TBKBP1: variants seen among roughly 807,000 people sequenced by gnomAD.
TBKBP1 encodes the protein TANK-binding kinase 1-binding protein 1.
Under a neutral mutation model 69.9 loss-of-function variants are expected in TBKBP1, and 47 were observed. That is an observed-to-expected ratio of 0.67 (90% CI 0.53 to 0.86). The LOEUF (loss-of-function observed/expected upper bound fraction) is 0.86. Among genes scored for constraint, TBKBP1 ranks in the 40% least tolerant of loss-of-function variants. The pLI is 0.00. For missense variants in TBKBP1, 831 were observed against 858.6 expected, an observed-to-expected ratio of 0.97 and a Z score of 0.40; for synonymous variants, 418 against 390.3, an observed-to-expected ratio of 1.07 and a Z score of -0.84.
At chr17:47,703,063 G>A (rs1266513370) in intron 7 of TBKBP1, among the ~76,000 whole-genome samples, 1 of 152,128 alleles carries the variant, frequency 6.6e-6, no homozygotes, top group Admixed American at 6.5e-5. Context: ...GCCCGGTAAG[G>A]GAGGGTGGGC....
intron 7 of TBKBP1, 97 bp downstream of exon 7, chr17:47,699,794 G>C: frequency 7.2e-7 from 1 of 1,382,956 alleles, no homozygotes; most frequent in Non-Finnish European, 1.0e-6. Flanking sequence ...GTTGCTCTGT[G>C]TGCATCCTTC....
chr17:47,704,752 C>T (rs2031639692), intron 7 of TBKBP1, among the ~76,000 whole-genome samples: 2 of 152,196 alleles, frequency 1.3e-5, no homozygotes, highest in African/African-American at 4.8e-5. Flanking sequence ...CTAGTCTGAC[C>T]CTGGCTCCTT....
In TBKBP1 at chr17:47,711,849, C is replaced by T. The variant is rs569810042; in HGVS notation, c.*1223C>T. ...CATGTCCCGCTCTTATCCAACTCTT[C>T]CAGGCCCCACCTCCCTGCACCCCTC... On this transcript the variant is annotated 3_prime_UTR_variant, in exon 10 of 10. Coordinates refer to ENST00000578982, the MANE Select transcript of TBKBP1 (RefSeq NM_001394755.1). 6.6e-6 allele frequency: 1 copy of T among 152,624 alleles called. No individual in the cohort carries two copies. Among genetic ancestry groups the T allele is most frequent in the South Asian group, 2.1e-4 (1 of 4,820 alleles). The allele number at this position is 152,624 out of a possible 1,614,324, so 9.5% of individuals were successfully genotyped here. A position where few individuals can be genotyped will look rare whatever the true frequency, so the allele number is the denominator to read the frequency against.
intron 2 of TBKBP1, 149 bp from the exon 3 acceptor site, chr17:47,696,562 C>T (rs1436719644): frequency 2.3e-6 from 3 of 1,324,626 alleles, no homozygotes; most frequent in African/African-American, 1.5e-5. Context: ...TGGGAGATGG[C>T]TACAGACCCA....
chr17:47,699,854 C>T (rs534464878), intron 7 of TBKBP1, among the ~76,000 whole-genome samples, 157 bp downstream of exon 7: 6 of 149,092 alleles, frequency 4.0e-5, no homozygotes, highest in Admixed American at 4.0e-4. Context: ...TGGAGTTTCG[C>T]TCTTGTTGCC....
chr17:47,698,860 C>A, intron 5 of TBKBP1, 85 bp downstream of exon 5: 1 of 1,240,510 alleles, frequency 8.1e-7, no homozygotes, highest in Non-Finnish European at 1.1e-6. Flanking sequence ...ACTTACCATC[C>A]CATTTGTAAT....
intron 7 of TBKBP1, among the ~76,000 whole-genome samples, chr17:47,702,595 A>G (rs1048124174): frequency 6.6e-6 from 1 of 151,812 alleles, no homozygotes; most frequent in Non-Finnish European, 1.5e-5. Context: ...CTGGCCCACA[A>G]GTTCTGGCCA....
intron 7 of TBKBP1, among the ~76,000 whole-genome samples, chr17:47,703,196 G>A (rs2031576164): frequency 1.3e-5 from 2 of 151,864 alleles, no homozygotes; most frequent in Middle Eastern, 3.4e-3. Flanking sequence ...GCCCTTTTCC[G>A]CACCACCTCC....
In TBKBP1 at chr17:47,710,581, C is replaced by G. The variant is rs780709572; in HGVS notation, c.1803C>G (p.Ala601=). The G allele has an allele frequency of 1.6e-5, 25 of 1,612,284 alleles. No individual in the cohort carries two copies. Among genetic ancestry groups the G allele is most frequent in the Non-Finnish European group, 2.1e-5 (25 of 1,178,844 alleles). The change falls in exon 10 of 10, where the codon GCC becomes GCG. Residue 601 remains alanine, a synonymous_variant. Coordinates refer to ENST00000578982, the MANE Select transcript of TBKBP1 (RefSeq NM_001394755.1). The part of the protein sequence containing the change: ...LGFPVGYPDD[A]LIKHIDSHLE... Reference sequence around the variant, plus strand: ...TCCCTGTCGGGTACCCGGATGATGCCCTCATCAAACACATTGACTCCCACC... The same window carrying G: ...TCCCTGTCGGGTACCCGGATGATGCGCTCATCAAACACATTGACTCCCACC...
intron 7 of TBKBP1, among the ~76,000 whole-genome samples, chr17:47,704,622 T>C (rs1430290420): frequency 6.6e-6 from 1 of 152,154 alleles, no homozygotes; most frequent in Non-Finnish European, 1.5e-5. Flanking sequence ...CATGGACAGC[T>C]CTAAACCTAA....
At chr17:47,696,666 G>T (rs771526193) in intron 2 of TBKBP1, 45 bp from the exon 3 acceptor site, 1 of 1,613,394 alleles carries the variant, frequency 6.2e-7, no homozygotes. Flanking sequence ...GGCCTGGGCT[G>T]GGCACCCGGG....
At chr17:47,694,478 GCCCCCGA>G (rs1264666001) in intron 1 of TBKBP1, 1 of 152,118 alleles carries the variant, frequency 6.6e-6, no homozygotes, top group Non-Finnish European at 1.5e-5. Context: ...CGTGGTCTCG[GCCCCCGA>G]GAGGGGAGGG....
At chr17:47,698,818 C>T in intron 5 of TBKBP1, 43 bp downstream of exon 5, 1 of 1,477,502 alleles carries the variant, frequency 6.8e-7, no homozygotes, top group Non-Finnish European at 9.0e-7. Context: ...GTCCCCAACC[C>T]CCATTTCAAC....
In TBKBP1 at chr17:47,708,850, CCCGTGCCCCCGTGCCCCTCGCCG is replaced by C; in HGVS notation, c.1119_1141del (p.Val374AlafsTer83). ...GTCCCCCGTCCCCCAGCGCCGCTCTCCCGTGCCCCCGTGCCCCTCGCCGCAGCAGCGCCGCTCTCCGGCCTCAC... is the reference window on the plus strand; with the variant it reads ...GTCCCCCGTCCCCCAGCGCCGCTCTCCAGCAGCGCCGCTCTCCGGCCTCAC... On this transcript the variant is annotated frameshift_variant, in exon 9 of 10. Coordinates refer to ENST00000578982, the MANE Select transcript of TBKBP1 (RefSeq NM_001394755.1). LOFTEE classifies it high-confidence loss of function. The surrounding 1 kb of genome is among the most constrained non-coding windows in gnomAD (Gnocchi z 4.4). The C allele has an allele frequency of 7.0e-7, 1 of 1,419,430 alleles. No individual in the cohort carries two copies. Among genetic ancestry groups the C allele is most frequent in the Non-Finnish European group, 9.2e-7 (1 of 1,090,326 alleles). 87.9% of individuals were successfully genotyped at this position (1,419,430 alleles called of 1,614,324 possible).
At chr17:47,697,034 C>T (rs1428092272) in intron 3 of TBKBP1, 55 bp from the exon 4 acceptor site, 24 of 1,562,402 alleles carry the variant, frequency 1.5e-5, no homozygotes, top group Middle Eastern at 1.8e-4. Context: ...AGCTCTCCAA[C>T]TCCAAGTCCA....
intron 9 of TBKBP1, among the ~76,000 whole-genome samples, chr17:47,709,842 G>C (rs1204511161): frequency 6.6e-6 from 1 of 152,190 alleles, no homozygotes; most frequent in African/African-American, 2.4e-5. Flanking sequence ...TACCTTACAG[G>C]GTTCTTAAGA....
At chr17:47,710,091 TCAGAGCCACC>T (rs2031869717) in intron 9 of TBKBP1, among the ~76,000 whole-genome samples, 1 of 152,220 alleles carries the variant, frequency 6.6e-6, no homozygotes, top group African/African-American at 2.4e-5. Flanking sequence ...TCCCTGAATG[TCAGAGCCACC>T]CATTGTAACC....
In TBKBP1 at chr17:47,698,576, CCT is replaced by C. The variant is rs760027616; in HGVS notation, c.454-16_454-15del. 1 of 1,567,808 alleles carries C rather than the reference CCT, an allele frequency of 6.4e-7. No individual in the cohort carries two copies. Among genetic ancestry groups the C allele is most frequent in the Non-Finnish European group, 8.6e-7 (1 of 1,156,414 alleles). On this transcript the variant is annotated splice_polypyrimidine_tract_variant and intron_variant, in intron 4 of 9. Coordinates refer to ENST00000578982, the MANE Select transcript of TBKBP1 (RefSeq NM_001394755.1). ...AGTCCTGGGCCTGTGCAGACCCTCC[CCT>C]CTGTCTCTCTCTCCAGAGGGCCCTG...
chr17:47,699,361 C>A lies in TBKBP1; in HGVS notation c.676C>A (p.Arg226=), dbSNP rs376306527. The change falls in exon 6 of 10, where the codon CGG becomes AGG. Residue 226 remains arginine (R), a synonymous_variant. Transcript: ENST00000578982. The stretch of plus-strand genomic sequence containing the variant: ...CACACCCAGTGTGAGTGACCTGGAG[C>A]GGCGGCGGCTAGAAGAGGCTTTGGA... The part of the protein sequence containing the change: ...GSTPSVSDLE[R]RRLEEALEAA... 17 of 1,550,172 alleles carry A rather than the reference C, an allele frequency of 1.1e-5. No individual in the cohort carries two copies. The highest frequency in any genetic ancestry group is 1.5e-5 in the Non-Finnish European group (17 of 1,153,546).
Sources: gnomAD v4.1 joint callset for allele counts (sites outside exome capture counted in the v4.1 genomes callset) on GRCh38, gnomAD v4.1.1 for gene constraint, Gnocchi (gnomAD v3.1) non-coding constraint, MANE v1.5 for transcripts, NCBI Gene and HGNC (gene_info 2026-07-23, HGNC 2026-07-21) for gene names.